Variants in PPHLN1 observed in about 807,000 individuals in gnomAD.
PPHLN1 encodes the protein periphilin-1.
In PPHLN1, 29 loss-of-function variants were observed where a neutral mutation model predicts 51.3. The observed-to-expected ratio is 0.57, with a 90% CI of 0.42 to 0.77. The LOEUF (loss-of-function observed/expected upper bound fraction) is 0.77. Ranked by LOEUF, PPHLN1 falls within the 30% of genes least tolerant of loss-of-function variation. The pLI, the probability that PPHLN1 is intolerant of heterozygous loss-of-function variation, is 0.00. For synonymous variants in PPHLN1, 147 were observed against 147.8 expected (o/e 0.99, Z 0.04); for missense variants, 436 against 438.4 (o/e 0.99, Z 0.05).
At chr12:42,366,794 T>G (rs2075318111) in intron 4 of PPHLN1, among the ~76,000 whole-genome samples, 1 of 152,142 alleles carries the variant, frequency 6.6e-6, no homozygotes, top group Admixed American at 6.5e-5. Context: ...TATGCAACAC[T>G]TGGGTTTGGC....
At chr12:42,385,237 A>G (rs1251851849) in intron 6 of PPHLN1, among the ~76,000 whole-genome samples, 1 of 152,234 alleles carries the variant, frequency 6.6e-6, no homozygotes, top group Non-Finnish European at 1.5e-5. Flanking sequence ...TAGACAGGCC[A>G]TTGGAAGATA....
chr12:42,361,633 G>T (rs534653900), intron 4 of PPHLN1: 28 of 152,228 alleles, frequency 1.8e-4, no homozygotes, highest in Admixed American at 2.6e-4. Flanking sequence ...TTGGTTGGTT[G>T]GTTGGTTTTG....
chr12:42,431,971 T>A, intron 9 of PPHLN1: 1 of 1,477,852 alleles, frequency 6.8e-7, no homozygotes, highest in Non-Finnish European at 9.5e-7. Flanking sequence ...GGCATCAGTG[T>A]CTGCAGTCTG....
At chr12:42,386,143 G>A (rs956003306) in intron 6 of PPHLN1, among the ~76,000 whole-genome samples, 4 of 152,218 alleles carry the variant, frequency 2.6e-5, no homozygotes, top group African/African-American at 7.2e-5. Flanking sequence ...CTCAACCTCT[G>A]CACAATTGAC....
chr12:42,335,221 C>T (rs181321602), intron 1 of PPHLN1, among the ~76,000 whole-genome samples: 8 of 152,124 alleles, frequency 5.3e-5, no homozygotes, highest in South Asian at 4.1e-4. Context: ...TCCCACCCCC[C>T]CCTTCTCTGA....
intron 9 of PPHLN1, among the ~76,000 whole-genome samples, chr12:42,439,773 C>T (rs529328338): frequency 6.6e-6 from 1 of 152,346 alleles, no homozygotes; most frequent in East Asian, 1.9e-4. Context: ...GATCTGCCTG[C>T]CTCAGCCTCC....
At chr12:42,361,087 CATTATGATAGT>C (rs768271066) in intron 4 of PPHLN1, among the ~76,000 whole-genome samples, 64 of 152,254 alleles carry the variant, frequency 4.2e-4, no homozygotes, top group Admixed American at 2.7e-3. Flanking sequence ...CTTAGCCCCC[CATTATGATAGT>C]ATTAGGAGGT....
At position 42,441,341 on chromosome 12, in the gene PPHLN1, C is replaced by G; in HGVS notation, c.936C>G (p.Phe312Leu). 1 of 1,612,016 alleles carries G rather than the reference C, an allele frequency of 6.2e-7. No individual in the cohort carries two copies. The highest frequency in any genetic ancestry group is 8.5e-7 in the Non-Finnish European group (1 of 1,178,750). Residue 312 changes from phenylalanine to leucine, a missense_variant, in exon 10 of 10, where the codon TTC (phenylalanine) becomes TTG (leucine). Coordinates refer to ENST00000358314, the MANE Select transcript of PPHLN1 (RefSeq NM_201439.2). ...EQVYRQDCET[F>L]GMVVKMLIEK... Reference sequence around the variant, plus strand: ...TTTACCGACAAGACTGTGAAACTTTCGGGATGGTGGTGAAAATGCTGATTG... The same window carrying G: ...TTTACCGACAAGACTGTGAAACTTTGGGGATGGTGGTGAAAATGCTGATTG...
chr12:42,362,892 A>T (rs1404643958), intron 4 of PPHLN1, among the ~76,000 whole-genome samples: 1 of 152,138 alleles, frequency 6.6e-6, no homozygotes, highest in Non-Finnish European at 1.5e-5. Context: ...TGTAATGAGC[A>T]ATCTTGAAGG....
intron 1 of PPHLN1, among the ~76,000 whole-genome samples, chr12:42,327,124 G>A (rs956757713): frequency 2.6e-5 from 4 of 152,244 alleles, no homozygotes; most frequent in African/African-American, 9.6e-5. Context: ...CGCCCAAGAT[G>A]TAAGCTTCTG....
In PPHLN1 at chr12:42,404,406, A is replaced by G. The variant is rs1592764588; in HGVS notation, c.909+5412A>G. On this transcript the variant is annotated intron_variant, in intron 9 of 9. Coordinates refer to ENST00000358314, the MANE Select transcript of PPHLN1 (RefSeq NM_201439.2). The stretch of plus-strand genomic sequence containing the variant: ...TAGCCCAACATGGTGGTGGGTGCCT[A>G]TAATCCTCGCTACTTAGGAGGCTGA... 2.0e-5 allele frequency among the ~76,000 whole-genome samples: 3 copies of G among 152,158 alleles called. No homozygotes were observed. The South Asian group carries it at 6.2e-4, about 32-fold the overall frequency.
downstream of PPHLN1, chr12:42,447,840 A>G (rs756585933): frequency 6.6e-6 from 1 of 152,218 alleles, no homozygotes; most frequent in African/African-American, 2.4e-5. Flanking sequence ...CGCAAATTTA[A>G]AAGCTAATTG....
chr12:42,372,561 C>T (rs571167439), intron 4 of PPHLN1, among the ~76,000 whole-genome samples: 1 of 152,232 alleles, frequency 6.6e-6, no homozygotes, highest in Middle Eastern at 3.4e-3. Context: ...ATGCATTCTC[C>T]TTTCTAATGT....
intron 4 of PPHLN1, among the ~76,000 whole-genome samples, chr12:42,361,053 G>T (rs1006322299): frequency 6.6e-6 from 1 of 152,092 alleles, no homozygotes. Context: ...TAGTATTTAT[G>T]TCCCCCCAAA....
At chr12:42,427,509 T>TA (rs1173665963) in intron 9 of PPHLN1, among the ~76,000 whole-genome samples, 3 of 151,772 alleles carry the variant, frequency 2.0e-5, no homozygotes, top group African/African-American at 7.3e-5. Context: ...AACAAAAACA[T>TA]AAAGTGGGGA....
chr12:42,412,096 T>A (rs2079911020), intron 9 of PPHLN1, among the ~76,000 whole-genome samples: 1 of 151,814 alleles, frequency 6.6e-6, no homozygotes. Flanking sequence ...TCCCAGCTAC[T>A]CGAGAGGCTG....
At chr12:42,431,694 TC>T in intron 9 of PPHLN1, 1 of 1,129,592 alleles carries the variant, frequency 8.9e-7, no homozygotes, top group Non-Finnish European at 1.4e-6. Context: ...GACTGCTACT[TC>T]TTGACTGTTT....
chr12:42,334,066 G>T (rs750739161), intron 1 of PPHLN1, among the ~76,000 whole-genome samples: 8 of 151,988 alleles, frequency 5.3e-5, no homozygotes, highest in Non-Finnish European at 1.2e-4. Flanking sequence ...TCTCTGTACT[G>T]TATCTTAAAA....
rs573402731 is a variant in PPHLN1 at position 42,354,030 on chromosome 12, AT to A, written c.238-1128del. Among the ~76,000 whole-genome samples, 109 of 152,290 alleles carry A rather than the reference AT, an allele frequency of 7.2e-4. 1 individual carries two copies. In the South Asian group the frequency reaches 0.022, roughly 31 times the overall value. ...TCAGTTATGTAATGCAGATTACTTG[AT>A]TTAATATTTTATTAGCACTGTTAAG... On this transcript the variant is annotated intron_variant, in intron 3 of 9. Transcript: ENST00000358314.
Sources: gnomAD v4.1 joint callset for allele counts (sites outside exome capture counted in the v4.1 genomes callset) on GRCh38, gnomAD v4.1.1 for gene constraint, MANE v1.5 for transcripts, NCBI Gene and HGNC (gene_info 2026-07-23, HGNC 2026-07-21) for gene names.